Variants in ZNF28 observed in about 807,000 individuals in gnomAD.
ZNF28 encodes zinc finger protein KOX24.
ZNF28 carries 5 observed loss-of-function variants against 7.2 expected under a neutral mutation model. The ratio of observed to expected loss-of-function variants is 0.70; its 90% CI spans 0.36 to 1.46. The LOEUF (loss-of-function observed/expected upper bound fraction) is 1.46, where lower values mean the gene tolerates loss of function less well. ZNF28 is among the 40% of genes most tolerant of loss of function. ZNF28 has a pLI of 0.03. For missense variants in ZNF28, 879 were observed against 866.6 expected (o/e 1.01, Z -0.18); for synonymous variants, 288 against 292.4 (o/e 0.99, Z 0.15).
chr19:52,820,322 T>C (rs1489245574), intron 1 of ZNF28, among the ~76,000 whole-genome samples: 1 of 135,776 alleles, frequency 7.4e-6, no homozygotes, highest in African/African-American at 3.1e-5. Flanking sequence ...TTTCACCTTG[T>C]TAGCCAGGAT....
intron 3 of ZNF28, among the ~76,000 whole-genome samples, chr19:52,804,035 C>A (rs2062906354): frequency 6.6e-6 from 1 of 152,296 alleles, no homozygotes; most frequent in Middle Eastern, 3.4e-3. Context: ...GATGTTCCTG[C>A]AGATGCAGAC....
At chr19:52,816,276 T>A (rs1464216495) in intron 2 of ZNF28, among the ~76,000 whole-genome samples, 1 of 147,110 alleles carries the variant, frequency 6.8e-6, no homozygotes, top group Non-Finnish European at 1.5e-5. Context: ...CCCAACACTC[T>A]TGGGGGCTGA....
rs1440872849 is a variant in ZNF28, at chr19:52,801,361, T to C, written c.484A>G (p.Asn162Asp). Residue 162 changes from asparagine (N) to aspartate (D), a missense_variant, in exon 4 of 4, where the codon AAT becomes GAT. By Grantham distance (23) the Asn-to-Asp change is conservative. Transcript: ENST00000457749. ...HIFQPEGKIGNQVEKSINNAS... is the reference protein window; with the variant it reads ...HIFQPEGKIGDQVEKSINNAS... ...TTGTTGATAGACTTCTCAACTTGAT[T>C]ACCAATTTTCCCTTCAGGCTGAAAT... 2 of 1,614,214 alleles carry C rather than the reference T, an allele frequency of 1.2e-6. No individual in the cohort carries two copies. Among genetic ancestry groups the C allele is most frequent in the East Asian group, 2.2e-5 (1 of 44,884 alleles).
chr19:52,818,118 C>T (rs2063150294), intron 1 of ZNF28, 87 bp from the exon 2 acceptor site: 7 of 1,331,790 alleles, frequency 5.3e-6, no homozygotes, highest in South Asian at 1.4e-5. Context: ...GAGACTTCAC[C>T]TTGAGGAAAT....
Position 52,800,817 on chromosome 19 carries a change from G to T in ZNF28, c.1028C>A (p.Ala343Glu). Residue 343 changes from alanine to glutamate, a missense_variant, in exon 4 of 4, where the codon GCA becomes GAA. Ala to Glu is a moderately radical substitution (Grantham distance 107). This residue lies in a region of ZNF28 where 864 missense variants were observed against 830.2 expected (regional missense o/e 1.04). Coordinates refer to ENST00000457749, the MANE Select transcript of ZNF28 (RefSeq NM_006969.5). Reference protein sequence around the residue: ...DKAFTCNSYLAKHTIIHTGEK... With the variant: ...DKAFTCNSYLEKHTIIHTGEK... ...TCCAGTGTGAATTATAGTATGTTTT[G>T]CTAGGTATGAATTACATGTGAAAGC... 1.2e-6 allele frequency: 2 copies of T among 1,613,906 alleles called. No individual in the cohort carries two copies. The highest frequency in any genetic ancestry group is 1.1e-5 in the South Asian group (1 of 91,064).
chr19:52,801,614 T>TTA lies in ZNF28; in HGVS notation c.230_231insTA (p.Gln77HisfsTer38), dbSNP rs1454499433. On this transcript the variant is annotated frameshift_variant, in exon 4 of 4. Transcript: ENST00000457749. LOFTEE classifies it low-confidence loss of function (END_TRUNC). ...AAAAATCTCCAATGTGATGACTTGCTTGTCTTTGCAATGTCCCTGTGTGGA... is the reference window on the plus strand; with the variant it reads ...AAAAATCTCCAATGTGATGACTTGCTTATGTCTTTGCAATGTCCCTGTGTGGA... 2 of 1,614,156 alleles carry TTA rather than the reference T, an allele frequency of 1.2e-6. No homozygotes were observed. Among genetic ancestry groups the TTA allele is most frequent in the Non-Finnish European group, 1.7e-6 (2 of 1,180,006 alleles).
At chr19:52,816,340 G>A (rs941761183) in intron 2 of ZNF28, among the ~76,000 whole-genome samples, 2 of 146,588 alleles carry the variant, frequency 1.4e-5, no homozygotes, top group Non-Finnish European at 1.5e-5. Flanking sequence ...CCAACATGGT[G>A]AAACCCTGTT....
In ZNF28 at chr19:52,798,308, T is replaced by C. The variant is rs2062821131; in HGVS notation, c.*1380A>G. On this transcript the variant is annotated 3_prime_UTR_variant, in exon 4 of 4. Transcript: ENST00000457749. ...AGCCACAGTGCCCAGCCCAGTCCTC[T>C]TAACATAAACAGTTTAATGTCAATT... 3 of 284,628 alleles carry C rather than the reference T, an allele frequency of 1.1e-5. No homozygotes were observed. The highest frequency in any genetic ancestry group is 1.0e-4 in the South Asian group (3 of 28,786). The allele number at this position is 284,628 out of a possible 1,614,324, so 17.6% of individuals were successfully genotyped here.
In ZNF28 at chr19:52,799,060, G is replaced by T; in HGVS notation, c.*628C>A. ...TATGAATTCTCCTGTCTTTCAAGCT[G>T]TGATTTGTGACTGACAACTTTGTCA... On this transcript the variant is annotated 3_prime_UTR_variant, in exon 4 of 4. Coordinates refer to ENST00000457749, the MANE Select transcript of ZNF28 (RefSeq NM_006969.5). The T allele has an allele frequency of 2.0e-6, 1 of 495,182 alleles. No individual in the cohort carries two copies. 30.7% of individuals were successfully genotyped at this position (495,182 alleles called of 1,614,324 possible).
rs745591883 is a variant in ZNF28, at chr19:52,800,725, G to C, written c.1120C>G (p.Arg374Gly). Residue 374 changes from arginine (R) to glycine (G), a missense_variant, in exon 4 of 4, where the codon CGT (arginine) becomes GGT (glycine). Arg to Gly is a moderately radical substitution (Grantham distance 125). Coordinates refer to ENST00000457749, the MANE Select transcript of ZNF28 (RefSeq NM_006969.5). ...FNRLSTLARH[R>G]RLHTGEKPYE... ...GGTTTCTCTCCAGTATGAAGCCTAC[G>C]ATGGCGTGCAAGGGTTGACAGTCGA... 6.2e-6 allele frequency: 10 copies of C among 1,612,358 alleles called. No homozygotes were observed. The highest frequency in any genetic ancestry group is 8.5e-6 in the Non-Finnish European group (10 of 1,179,774).
Position 52,811,698 on chromosome 19 carries a change from A to G in ZNF28, c.16-3565T>C, listed in dbSNP as rs1391976395. On this transcript the variant is annotated intron_variant, in intron 2 of 3. Coordinates refer to ENST00000457749, the MANE Select transcript of ZNF28 (RefSeq NM_006969.5). ...AAGTGAGGAGCCCCTCCGTCCGGCA[A>G]CCACCCCGTCTGGGAAGTGAGGAGC... is the stretch of plus-strand genomic sequence containing the variant. 2.3e-4 allele frequency among the ~76,000 whole-genome samples: 30 copies of G among 132,156 alleles called. 1 individual carries two copies. The highest frequency in any genetic ancestry group is 4.9e-4 in the African/African-American group (16 of 32,960). 86.7% of individuals were successfully genotyped at this position (132,156 alleles called of 152,430 possible). A position where few individuals can be genotyped will look rare whatever the true frequency, so the allele number is the denominator to read the frequency against.
chr19:52,820,573 G>T (rs954104143), intron 1 of ZNF28, among the ~76,000 whole-genome samples: 54 of 151,882 alleles, frequency 3.6e-4, no homozygotes, highest in African/African-American at 1.3e-3. Context: ...ATCCCCAGGT[G>T]TCCTCCCCGC....
At chr19:52,817,578 T>G (rs1223078193) in intron 2 of ZNF28, among the ~76,000 whole-genome samples, 2 of 152,094 alleles carry the variant, frequency 1.3e-5, no homozygotes, top group Non-Finnish European at 2.9e-5. Context: ...ACATTAATAC[T>G]TGACTCCCAT....
At chr19:52,821,133 T>TG (rs1025867997) in intron 1 of ZNF28, among the ~76,000 whole-genome samples, 10 of 149,238 alleles carry the variant, frequency 6.7e-5, no homozygotes, top group African/African-American at 2.5e-4. Flanking sequence ...AGGAGGGAGG[T>TG]GGGGAGCGAC....
chr19:52,808,210 A>G (rs1202052802), intron 2 of ZNF28, 77 bp from the exon 3 acceptor site: 32 of 1,586,062 alleles, frequency 2.0e-5, no homozygotes, highest in Non-Finnish European at 2.7e-5. Context: ...GAGAGGGGGA[A>G]AGCATGGATT....
At chr19:52,813,095 G>A (rs1329786630) in intron 2 of ZNF28, among the ~76,000 whole-genome samples, 1 of 151,832 alleles carries the variant, frequency 6.6e-6, no homozygotes, top group African/African-American at 2.4e-5. Context: ...TGGTAATCTT[G>A]GTTAATGCTT....
intron 2 of ZNF28, chr19:52,809,767 T>G (rs1481125241): frequency 1.5e-5 from 7 of 482,554 alleles, no homozygotes; most frequent in Admixed American, 1.2e-4. Flanking sequence ...ATCATGCCAC[T>G]TCACTGCAGC....
At chr19:52,813,250 A>G (rs1415133898) in intron 2 of ZNF28, among the ~76,000 whole-genome samples, 2 of 10,924 alleles carry the variant, frequency 1.8e-4, no homozygotes, top group African/African-American at 4.9e-4. Context: ...TTGAATGGTG[A>G]AAAAAAAAAA....
intron 2 of ZNF28, among the ~76,000 whole-genome samples, chr19:52,808,775 G>C (rs935775465): frequency 6.6e-6 from 1 of 151,798 alleles, no homozygotes; most frequent in Non-Finnish European, 1.5e-5. Context: ...ATCCCACCAG[G>C]GCACTCAAGC....
Sources: allele counts gnomAD v4.1 joint callset (sites outside exome capture counted in the v4.1 genomes callset), GRCh38; gene constraint gnomAD v4.1.1; regional missense constraint gnomAD v4.1.1; transcripts MANE v1.5; gene names NCBI Gene and HGNC (gene_info 2026-07-23, HGNC 2026-07-21).